PCDHGA12: variants seen among roughly 807,000 people sequenced by gnomAD.
PCDHGA12 encodes the protein protocadherin gamma subfamily A, 12, also known as protocadherin gamma-A12.
A neutral mutation model predicts 61.1 loss-of-function variants in PCDHGA12; 43 were observed. That is an observed-to-expected ratio of 0.70 (90% CI 0.55 to 0.91). The LOEUF (loss-of-function observed/expected upper bound fraction) is 0.91. PCDHGA12 is among the 40% of genes least tolerant of loss of function. The pLI, the probability that PCDHGA12 is intolerant of heterozygous loss-of-function variation, is 0.00. For synonymous variants in PCDHGA12, 520 were observed against 542.9 expected (o/e 0.96, Z 0.59); for missense variants, 1,236 against 1,227.7 (o/e 1.01, Z -0.10).
At chr5:141,451,180 T>C (rs1318435826) in intron 1 of PCDHGA12, among the ~76,000 whole-genome samples, 4 of 152,180 alleles carry the variant, frequency 2.6e-5, no homozygotes, top group Non-Finnish European at 4.4e-5. Flanking sequence ...ATTTAGCCAT[T>C]GCTGTGTAAC....
At position 141,485,398 on chromosome 5, in the gene PCDHGA12, C is replaced by T. The variant is rs906016330; in HGVS notation, c.2425-9409C>T. The T allele has an allele frequency of 1.3e-5, 21 of 1,614,044 alleles. No individual in the cohort carries two copies. The highest frequency in any genetic ancestry group is 1.8e-5 in the Non-Finnish European group (21 of 1,179,928). On this transcript the variant is annotated intron_variant, in intron 1 of 3. Coordinates refer to ENST00000252085, the MANE Select transcript of PCDHGA12 (RefSeq NM_003735.3). This position sits in a 1 kb window ranked among gnomAD's most constrained non-coding sequence, Gnocchi z 5.7. ...CTGGAGAGGTGAACCAAAGACACTT[C>T]CGTGTGGATTTGGACAGCGGAGCCC...
chr5:141,500,173 T>G (rs1666567886), intron 2 of PCDHGA12, among the ~76,000 whole-genome samples: 1 of 149,340 alleles, frequency 6.7e-6, no homozygotes, highest in East Asian at 1.9e-4. Context: ...ATGCATGAGC[T>G]TCATTTTTAT....
At chr5:141,497,771 C>T (rs2099779314) in intron 2 of PCDHGA12, among the ~76,000 whole-genome samples, 1 of 152,154 alleles carries the variant, frequency 6.6e-6, no homozygotes, top group Non-Finnish European at 1.5e-5. Context: ...ACTCCCCGAC[C>T]TCAACTGATC....
intron 1 of PCDHGA12, among the ~76,000 whole-genome samples, chr5:141,448,434 GA>G (rs1297090877): frequency 1.3e-5 from 2 of 152,050 alleles, no homozygotes; most frequent in South Asian, 4.2e-4. Flanking sequence ...TATATATTGA[GA>G]AGTCTGACTT....
At position 141,485,656 on chromosome 5, in the gene PCDHGA12, T is replaced by C. The variant is rs147216126; in HGVS notation, c.2425-9151T>C. On this transcript the variant is annotated intron_variant, in intron 1 of 3. Coordinates refer to ENST00000252085, the MANE Select transcript of PCDHGA12 (RefSeq NM_003735.3). This position sits in a 1 kb window ranked among gnomAD's most constrained non-coding sequence, Gnocchi z 5.7. ...CGTTGGAAAAGGCTCAGGATGCAGA[T>C]GTGGGGAGCAATTCGATTAGCAGCT... 23 of 1,612,648 alleles carry C rather than the reference T, an allele frequency of 1.4e-5. No homozygotes were observed. The African/African-American group carries it at 2.8e-4, about 20-fold the overall frequency.
chr5:141,505,252 C>T (rs2099844831), intron 2 of PCDHGA12, 141 bp from the exon 3 acceptor site: 1 of 1,454,140 alleles, frequency 6.9e-7, no homozygotes, highest in Non-Finnish European at 9.2e-7. Context: ...TGTAGAAGTG[C>T]CTCCTACCTT....
chr5:141,432,969 C>T lies in PCDHGA12; in HGVS notation c.2210C>T (p.Ala737Val), dbSNP rs754836894. Residue 737 changes from alanine (A) to valine (V), a missense_variant, in exon 1 of 4, where the codon GCG becomes GTG. Coordinates refer to ENST00000252085, the MANE Select transcript of PCDHGA12 (RefSeq NM_003735.3). The surrounding 1 kb of genome is among the most constrained non-coding windows in gnomAD (Gnocchi z 6.0). ...ASGGGLTGAP[A>V]SHFVGVDGVQ... ...GGAGGCGGCTTGACAGGAGCGCCGG[C>T]GTCGCACTTTGTGGGCGTGGACGGG... The T allele has an allele frequency of 3.7e-6, 6 of 1,614,030 alleles. No individual in the cohort carries two copies. In the African/African-American group the frequency reaches 8.0e-5, roughly 22 times the overall value.
intron 2 of PCDHGA12, among the ~76,000 whole-genome samples, chr5:141,503,398 C>A (rs1374324008): frequency 6.6e-6 from 1 of 151,784 alleles, no homozygotes; most frequent in African/African-American, 2.4e-5. Flanking sequence ...AGTTCGAAAC[C>A]AACCTGGCCA....
At chr5:141,440,982 A>G (rs940098060) in intron 1 of PCDHGA12, 4 of 152,234 alleles carry the variant, frequency 2.6e-5, no homozygotes, top group Non-Finnish European at 5.9e-5. Context: ...TTCACAACCC[A>G]GAGTACCCAT....
chr5:141,511,135 G>A lies in PCDHGA12; in HGVS notation c.2761G>A (p.Gly921Ser), dbSNP rs200541479. Residue 921 changes from glycine to serine, a missense_variant, in exon 4 of 4, where the codon GGC becomes AGC. Physicochemically the swap from Gly to Ser is moderately conservative, Grantham distance 56. Coordinates refer to ENST00000252085, the MANE Select transcript of PCDHGA12 (RefSeq NM_003735.3). The stretch of plus-strand genomic sequence containing the variant: ...TGGCAAGGCCCCAGCAGGTGGCAAT[G>A]GCAACAAGAAGAAGTCGGGCAAGAA... ...RDGKAPAGGN[G>S]NKKKSGKKEK... 2.8e-4 allele frequency: 448 copies of A among 1,614,188 alleles called. No homozygotes were observed. Among genetic ancestry groups the A allele is most frequent in the Non-Finnish European group, 3.0e-4 (352 of 1,180,016 alleles).
In PCDHGA12 at chr5:141,487,414, T is replaced by C; in HGVS notation, c.2425-7393T>C. On this transcript the variant is annotated intron_variant, in intron 1 of 3. Coordinates refer to ENST00000252085, the MANE Select transcript of PCDHGA12 (RefSeq NM_003735.3). This position sits in a 1 kb window ranked among gnomAD's most constrained non-coding sequence, Gnocchi z 5.0. The stretch of plus-strand genomic sequence containing the variant: ...GGAGGGAGGGGCTTCCCCCTTCCAA[T>C]GGGATCCTCCGAATCCAGCTAGGGT... 3.7e-6 allele frequency: 6 copies of C among 1,614,174 alleles called. No individual in the cohort carries two copies. The highest frequency in any genetic ancestry group is 5.1e-6 in the Non-Finnish European group (6 of 1,180,006).
chr5:141,468,598 G>A (rs1250884127), intron 1 of PCDHGA12: 1 of 152,228 alleles, frequency 6.6e-6, no homozygotes, highest in African/African-American at 2.4e-5. Context: ...TGGGCGCGGT[G>A]GCTCACGCCT....
At chr5:141,462,540 T>G (rs2099042148) in intron 1 of PCDHGA12, among the ~76,000 whole-genome samples, 2 of 152,204 alleles carry the variant, frequency 1.3e-5, no homozygotes, top group Non-Finnish European at 2.9e-5. Flanking sequence ...TCAGTGATCT[T>G]TTCTTCTTCA....
At position 141,491,566 on chromosome 5, in the gene PCDHGA12, A is replaced by G; in HGVS notation, c.2425-3241A>G. Reference sequence around the variant, plus strand: ...AGACTCGCAGAGCCACTGCTACAGGACGTGCTTTTCACCGGCCTCGGACGG... The same window carrying G: ...AGACTCGCAGAGCCACTGCTACAGGGCGTGCTTTTCACCGGCCTCGGACGG... On this transcript the variant is annotated intron_variant, in intron 1 of 3. Transcript: ENST00000252085. This position sits in a 1 kb window ranked among gnomAD's most constrained non-coding sequence, Gnocchi z 6.9. 1 of 1,613,950 alleles carries G rather than the reference A, an allele frequency of 6.2e-7. No individual in the cohort carries two copies.
intron 1 of PCDHGA12, 137 bp from the exon 2 acceptor site, chr5:141,494,670 C>T: frequency 6.5e-7 from 1 of 1,529,402 alleles, no homozygotes; most frequent in Non-Finnish European, 8.8e-7. Flanking sequence ...GGAGATGAGT[C>T]CACCCCTGCC....
At chr5:141,503,836 A>G (rs1260399957) in intron 2 of PCDHGA12, among the ~76,000 whole-genome samples, 4 of 152,142 alleles carry the variant, frequency 2.6e-5, no homozygotes, top group Admixed American at 6.5e-5. Flanking sequence ...AAAAGCAGGG[A>G]CAGACCTTGG....
chr5:141,430,865 C>A lies in PCDHGA12; in HGVS notation c.106C>A (p.Pro36Thr). ...TGCTQIRYSV[P>T]EELEKGSRVG... The stretch of plus-strand genomic sequence containing the variant: ...ATGCACCCAGATACGCTATTCAGTT[C>A]CGGAAGAGCTGGAGAAAGGCTCTAG... Residue 36 changes from proline (P) to threonine (T), a missense_variant, in exon 1 of 4, where the codon CCG (proline) becomes ACG (threonine). Coordinates refer to ENST00000252085, the MANE Select transcript of PCDHGA12 (RefSeq NM_003735.3). 1.3e-6 allele frequency: 2 copies of A among 1,595,350 alleles called. No individual in the cohort carries two copies. Among genetic ancestry groups the A allele is most frequent in the Non-Finnish European group, 1.7e-6 (2 of 1,172,194 alleles).
Position 141,432,151 on chromosome 5 carries a change from C to T in PCDHGA12, c.1392C>T (p.Asn464=). 2 of 1,614,122 alleles carry T rather than the reference C, an allele frequency of 1.2e-6. No homozygotes were observed. The highest frequency in any genetic ancestry group is 2.2e-5 in the South Asian group (2 of 91,066). ...QASYSAYIPE[N]NPRGVSLVSV... ...CCTATTCCGCTTATATCCCAGAGAA[C>T]AATCCCAGAGGAGTTTCCCTCGTCT... Residue 464 remains asparagine (N), a synonymous_variant, in exon 1 of 4, where the codon AAC becomes AAT. Transcript: ENST00000252085. The surrounding 1 kb of genome is among the most constrained non-coding windows in gnomAD (Gnocchi z 6.0).
Position 141,499,029 on chromosome 5 carries a change from A to AAGGAAGG in PCDHGA12, c.2483+4165_2483+4166insGGAAGGA, listed in dbSNP as rs1562187768. Among the ~76,000 whole-genome samples, 348 of 140,068 alleles carry AAGGAAGG rather than the reference A, an allele frequency of 2.5e-3. 2 individuals carry two copies. The highest frequency in any genetic ancestry group is 9.3e-3 in the African/African-American group (335 of 36,066). The allele number at this position is 140,068 out of a possible 152,430, so 91.9% of individuals were successfully genotyped here. ...GGAAGGAAGGAAGGAAGGAAGGAAG[A>AAGGAAGG]AAAGAAAGAAAAAGGGAGAAAAAAT... is the stretch of plus-strand genomic sequence containing the variant. On this transcript the variant is annotated intron_variant, in intron 2 of 3. Transcript: ENST00000252085.
Sources: gnomAD v4.1 joint callset for allele counts (sites outside exome capture counted in the v4.1 genomes callset) on GRCh38, gnomAD v4.1.1 for gene constraint, Gnocchi (gnomAD v3.1) non-coding constraint, MANE v1.5 for transcripts, NCBI Gene and HGNC (gene_info 2026-07-23, HGNC 2026-07-21) for gene names.